Variants in KCNQ1 observed in about 807,000 individuals in gnomAD.
The protein encoded by KCNQ1 is potassium voltage-gated channel subfamily Q member 1.
In KCNQ1, 49 loss-of-function variants were observed where a neutral mutation model predicts 72.4. That is an observed-to-expected ratio of 0.68 (90% CI 0.54 to 0.86). The LOEUF is 0.86. KCNQ1 is among the 40% of genes least tolerant of loss of function. The pLI is 0.00. For missense variants in KCNQ1, 790 were observed against 945.1 expected, an observed-to-expected ratio of 0.84 and a Z score of 2.15; for synonymous variants, 450 against 412.6, an observed-to-expected ratio of 1.09 and a Z score of -1.10.
At chr11:2,686,023 A>G in intron 11 of KCNQ1, 1 of 399,156 alleles carries the variant, frequency 2.5e-6, no homozygotes, top group Non-Finnish European at 4.4e-6. Flanking sequence ...GGCTCACTCT[A>G]AGCCCCGCCA....
chr11:2,718,639 A>T (rs1851142459), intron 11 of KCNQ1, among the ~76,000 whole-genome samples: 1 of 152,140 alleles, frequency 6.6e-6, no homozygotes, highest in Admixed American at 6.5e-5. Flanking sequence ...GTGTAGACGC[A>T]TGACTCCCCA....
chr11:2,524,191 G>A (rs954524926), intron 1 of KCNQ1, among the ~76,000 whole-genome samples: 5 of 152,092 alleles, frequency 3.3e-5, no homozygotes, highest in South Asian at 2.1e-4. Flanking sequence ...AGCCAGGCTC[G>A]GCGACGGGAA....
Position 2,627,734 on chromosome 11 carries a change from TACACAC to T in KCNQ1, c.1394-34218_1394-34213del. 1 of 397,860 alleles carries T rather than the reference TACACAC, an allele frequency of 2.5e-6. No individual in the cohort carries two copies. The highest frequency in any genetic ancestry group is 4.4e-6 in the Non-Finnish European group (1 of 225,740). 24.6% of individuals were successfully genotyped at this position (397,860 alleles called of 1,614,324 possible). A position where few individuals can be genotyped will look rare whatever the true frequency, so the allele number is the denominator to read the frequency against. The stretch of plus-strand genomic sequence containing the variant: ...ATGTGTTTATTTGGGAATTTGGTGA[TACACAC>T]ACACACACTATTTTCTTCCTTTCTT... On this transcript the variant is annotated intron_variant, in intron 10 of 15. Coordinates refer to ENST00000155840, the MANE Select transcript of KCNQ1 (RefSeq NM_000218.3). The surrounding 1 kb of genome is among the most constrained non-coding windows in gnomAD (Gnocchi z 4.9).
intron 11 of KCNQ1, chr11:2,672,274 G>A (rs1225065970): frequency 1.0e-5 from 4 of 398,480 alleles, no homozygotes; most frequent in South Asian, 2.5e-4. Context: ...ACTGCCCCAC[G>A]AACCCCACCA....
chr11:2,579,097 C>G lies in KCNQ1; in HGVS notation c.922-4338C>G, dbSNP rs1044983601. ...CTTCCTTCTGGGCAAATGACTACCA[C>G]GTTTCCAGCCGGGGCCAGTGAGCTC... On this transcript the variant is annotated intron_variant, in intron 6 of 15. Transcript: ENST00000155840. This position sits in a 1 kb window ranked among gnomAD's most constrained non-coding sequence, Gnocchi z 6.0. 1.3e-5 allele frequency among the ~76,000 whole-genome samples: 2 copies of G among 152,206 alleles called. No homozygotes were observed. Among genetic ancestry groups the G allele is most frequent in the Admixed American group, 6.5e-5 (1 of 15,290 alleles).
In KCNQ1 at chr11:2,691,166, C is replaced by T. The variant is rs548123415; in HGVS notation, c.1514+29085C>T. On this transcript the variant is annotated intron_variant, in intron 11 of 15. Transcript: ENST00000155840. This position sits in a 1 kb window ranked among gnomAD's most constrained non-coding sequence, Gnocchi z 6.4. ...GTGCTGGCCTCTGGCCTCTCACAGC[C>T]TTGGGAGGGGTGCTCAGAGCTCAGC... 7 of 398,644 alleles carry T rather than the reference C, an allele frequency of 1.8e-5. No individual in the cohort carries two copies. The highest frequency in any genetic ancestry group is 1.2e-4 in the African/African-American group (6 of 48,742). The allele number at this position is 398,644 out of a possible 1,614,324, so 24.7% of individuals were successfully genotyped here.
rs1164908245 is a variant in KCNQ1 at position 2,482,224 on chromosome 11, T to C, written c.386+36740T>C. On this transcript the variant is annotated intron_variant, in intron 1 of 15. Transcript: ENST00000155840. The surrounding 1 kb of genome is among the most constrained non-coding windows in gnomAD (Gnocchi z 5.7). Reference sequence around the variant, plus strand: ...TGTGTATATGTGTGTGTGTGCATACTTGCCTATGTGTGTCTGTGCAAATAC... The same window carrying C: ...TGTGTATATGTGTGTGTGTGCATACCTGCCTATGTGTGTCTGTGCAAATAC... Among the ~76,000 whole-genome samples, 1 of 152,124 alleles carries C rather than the reference T, an allele frequency of 6.6e-6. No homozygotes were observed. The highest frequency in any genetic ancestry group is 1.5e-5 in the Non-Finnish European group (1 of 68,012).
At chr11:2,709,098 C>T (rs1850960655) in intron 11 of KCNQ1, among the ~76,000 whole-genome samples, 1 of 152,102 alleles carries the variant, frequency 6.6e-6, no homozygotes, top group African/African-American at 2.4e-5. Context: ...CACTGGCGAG[C>T]GGCTGAGTGT....
chr11:2,769,795 A>G lies in KCNQ1; in HGVS notation c.1590+876A>G, dbSNP rs163155. Among the ~76,000 whole-genome samples, 2 of 151,924 alleles carry G rather than the reference A, an allele frequency of 1.3e-5. No homozygotes were observed. Among genetic ancestry groups the G allele is most frequent in the African/African-American group, 2.4e-5 (1 of 41,334 alleles). On this transcript the variant is annotated intron_variant, in intron 12 of 15. Coordinates refer to ENST00000155840, the MANE Select transcript of KCNQ1 (RefSeq NM_000218.3). The surrounding 1 kb of genome is among the most constrained non-coding windows in gnomAD (Gnocchi z 4.6). ...CGTGCTTGAGTGAGTGCGTGTCTGC[A>G]GGAGCAGGGCAGGGTGGGGCTTCTG...
chr11:2,681,450 A>G (rs1458202158), intron 11 of KCNQ1: 1 of 398,462 alleles, frequency 2.5e-6, no homozygotes, highest in Non-Finnish European at 4.4e-6. Context: ...TTGGGACCAG[A>G]TAACCTTAAT....
intron 2 of KCNQ1, among the ~76,000 whole-genome samples, chr11:2,542,602 C>T (rs1847846181): frequency 6.6e-6 from 1 of 152,234 alleles, no homozygotes; most frequent in South Asian, 2.1e-4. Context: ...TCGCTCCCGT[C>T]GCTGGCCCCT....
chr11:2,548,360 AG>A (rs2133689288), intron 2 of KCNQ1, among the ~76,000 whole-genome samples: 1 of 152,366 alleles, frequency 6.6e-6, no homozygotes, highest in Admixed American at 6.5e-5. Flanking sequence ...AAAATACAGC[AG>A]AACATGGGAT....
chr11:2,675,487 C>T (rs898786324), intron 11 of KCNQ1: 3 of 398,550 alleles, frequency 7.5e-6, no homozygotes, highest in African/African-American at 6.2e-5. Context: ...GTAAATATTT[C>T]ATGAGACATA....
Position 2,713,517 on chromosome 11 carries a change from G to A in KCNQ1, c.1514+51436G>A, listed in dbSNP as rs1470143391. On this transcript the variant is annotated intron_variant, in intron 11 of 15. Coordinates refer to ENST00000155840, the MANE Select transcript of KCNQ1 (RefSeq NM_000218.3). This position sits in a 1 kb window ranked among gnomAD's most constrained non-coding sequence, Gnocchi z 5.6. ...CATTATTTCTTCACTTTCTCCAGCT[G>A]AATTTTTCCCACTGTGGGAAGGGGG... Among the ~76,000 whole-genome samples, 1 of 152,160 alleles carries A rather than the reference G, an allele frequency of 6.6e-6. No individual in the cohort carries two copies. The highest frequency in any genetic ancestry group is 1.5e-5 in the Non-Finnish European group (1 of 68,030).
In KCNQ1 at chr11:2,620,199, G is replaced by C. The variant is rs923355191; in HGVS notation, c.1393+31345G>C. 1 of 293,728 alleles carries C rather than the reference G, an allele frequency of 3.4e-6. No homozygotes were observed. The highest frequency in any genetic ancestry group is 5.6e-6 in the Non-Finnish European group (1 of 177,370). 18.2% of individuals were successfully genotyped at this position (293,728 alleles called of 1,614,324 possible). ...CTGCAAAGGACGTAAGTTCATTCAT[G>C]TATATATATATATTTTTTTTTTTTA... On this transcript the variant is annotated intron_variant, in intron 10 of 15. Coordinates refer to ENST00000155840, the MANE Select transcript of KCNQ1 (RefSeq NM_000218.3). The surrounding 1 kb of genome is among the most constrained non-coding windows in gnomAD (Gnocchi z 4.5).
chr11:2,470,112 C>T (rs987709067), intron 1 of KCNQ1, among the ~76,000 whole-genome samples: 8 of 152,226 alleles, frequency 5.3e-5, no homozygotes, highest in African/African-American at 9.6e-5. Context: ...AGGCGCATGT[C>T]ACCACGCCCG....
chr11:2,476,090 A>C (rs773920490), intron 1 of KCNQ1, among the ~76,000 whole-genome samples: 7 of 152,232 alleles, frequency 4.6e-5, no homozygotes, highest in Admixed American at 1.3e-4. Context: ...AGAAAACAAA[A>C]ATAATCTGAA....
chr11:2,561,777 G>T (rs1225542431), intron 2 of KCNQ1, among the ~76,000 whole-genome samples: 4 of 152,232 alleles, frequency 2.6e-5, no homozygotes, highest in African/African-American at 9.6e-5. Flanking sequence ...ACCCCTGGCT[G>T]CCTGGAGCTA....
chr11:2,656,456 GT>G (rs1849849651), intron 10 of KCNQ1: 2 of 398,578 alleles, frequency 5.0e-6, no homozygotes, highest in Non-Finnish European at 8.8e-6. Context: ...TGTCTGTGTG[GT>G]TTCCTGCTGG....
Sources: allele counts gnomAD v4.1 joint callset (sites outside exome capture counted in the v4.1 genomes callset), GRCh38; gene constraint gnomAD v4.1.1; non-coding constraint Gnocchi (gnomAD v3.1); transcripts MANE v1.5; gene names NCBI Gene and HGNC (gene_info 2026-07-23, HGNC 2026-07-21).